CALN1: variants seen among roughly 807,000 people sequenced by gnomAD.
The protein encoded by CALN1 is calcium-binding protein 8.
A neutral mutation model predicts 30.6 loss-of-function variants in CALN1; 17 were observed. The observed-to-expected ratio is 0.56, with a 90% CI of 0.38 to 0.83. CALN1 has a LOEUF of 0.83. CALN1 is among the 40% of genes least tolerant of loss of function. The pLI, the probability that CALN1 is intolerant of heterozygous loss-of-function variation, is 0.00. For missense variants in CALN1, 291 were observed against 354.9 expected (o/e 0.82, Z 1.45); for synonymous variants, 156 against 131.4 (o/e 1.19, Z -1.28).
chr7:72,411,139 A>G (rs1562957888), intron 1 of CALN1, among the ~76,000 whole-genome samples: 1 of 148,644 alleles, frequency 6.7e-6, no homozygotes, highest in Non-Finnish European at 1.5e-5. Context: ...GAGCAAACAT[A>G]AAGGTTTTAC....
At chr7:71,872,877 G>A (rs1792020621) in intron 5 of CALN1, among the ~76,000 whole-genome samples, 1 of 151,862 alleles carries the variant, frequency 6.6e-6, no homozygotes, top group African/African-American at 2.4e-5. Context: ...GCCTTCCAAA[G>A]TGCTGAGATT....
intron 3 of CALN1, among the ~76,000 whole-genome samples, chr7:72,212,085 A>C (rs192355659): frequency 6.6e-6 from 1 of 152,000 alleles, no homozygotes; most frequent in Non-Finnish European, 1.5e-5. Flanking sequence ...GGGCACGGTG[A>C]CTCATGCCTG....
At chr7:72,111,760 T>C (rs1807591189) in intron 3 of CALN1, among the ~76,000 whole-genome samples, 2 of 151,830 alleles carry the variant, frequency 1.3e-5, no homozygotes, top group South Asian at 4.2e-4. Context: ...TTTCTTTTTT[T>C]TTTTGTTGGA....
intron 3 of CALN1, among the ~76,000 whole-genome samples, chr7:72,183,033 G>A (rs947234449): frequency 2.6e-5 from 4 of 152,068 alleles, no homozygotes; most frequent in African/African-American, 9.7e-5. Flanking sequence ...TCAGCTCTAT[G>A]GGGCTTTTTT....
At chr7:71,852,269 T>A (rs1000809374) in intron 5 of CALN1, among the ~76,000 whole-genome samples, 1 of 152,082 alleles carries the variant, frequency 6.6e-6, no homozygotes, top group African/African-American at 2.4e-5. Context: ...TACGGACATA[T>A]GTTTTCACTT....
upstream of CALN1, among the ~76,000 whole-genome samples, chr7:72,417,057 G>A (rs535828646): frequency 6.6e-6 from 1 of 152,342 alleles, no homozygotes; most frequent in South Asian, 2.1e-4. Context: ...CATAGAGCCT[G>A]AGTCTTCATC....
At chr7:72,392,385 C>T (rs2129561481) in intron 2 of CALN1, among the ~76,000 whole-genome samples, 1 of 152,286 alleles carries the variant, frequency 6.6e-6, no homozygotes, top group South Asian at 2.1e-4. Context: ...GCAATAGTAA[C>T]TGGACTCAGA....
intron 5 of CALN1, among the ~76,000 whole-genome samples, chr7:71,847,847 G>GAGAAGGAGAAGGAGAAGGAGAAGAAGA (rs746393698): frequency 9.6e-5 from 13 of 134,808 alleles, no homozygotes; most frequent in African/African-American, 3.8e-4. Flanking sequence ...GAAGGAGAAG[G>GAGAAGGAGAAGGAGAAGGAGAAGAAGA]AGAAGAAGAA....
intron 2 of CALN1, among the ~76,000 whole-genome samples, chr7:72,314,186 T>TCC (rs746200064): frequency 6.6e-6 from 1 of 151,816 alleles, no homozygotes; most frequent in Non-Finnish European, 1.5e-5. Context: ...TCTGCCACCA[T>TCC]CCCCCTCCCT....
At chr7:71,799,072 A>G (rs1178397221) in intron 6 of CALN1, among the ~76,000 whole-genome samples, 2 of 152,156 alleles carry the variant, frequency 1.3e-5, no homozygotes, top group Non-Finnish European at 2.9e-5. Flanking sequence ...ATGTTCAGCA[A>G]TGTCTCCAGG....
intron 2 of CALN1, among the ~76,000 whole-genome samples, chr7:72,358,545 C>T (rs1803375201): frequency 6.6e-6 from 1 of 152,174 alleles, no homozygotes; most frequent in African/African-American, 2.4e-5. Context: ...CATACCAGAA[C>T]TGGCACTGTG....
At chr7:72,099,459 T>C in intron 4 of CALN1, among the ~76,000 whole-genome samples, 1 of 142,112 alleles carries the variant, frequency 7.0e-6, no homozygotes, top group Non-Finnish European at 1.5e-5. Context: ...AATTAGAATC[T>C]TTTTTTTTTT....
chr7:71,882,228 A>G (rs1250824919), intron 5 of CALN1, among the ~76,000 whole-genome samples: 1 of 152,180 alleles, frequency 6.6e-6, no homozygotes, highest in Non-Finnish European at 1.5e-5. Context: ...CTTCAAAGCC[A>G]GCAGTGTTGC....
rs187857847 is a variant in CALN1 at position 72,122,075 on chromosome 7, A to G, written c.245-15781T>C. Among the ~76,000 whole-genome samples the G allele has an allele frequency of 2.0e-3, 311 of 152,050 alleles. 1 individual carries two copies. The highest frequency in any genetic ancestry group is 5.0e-4 in the Non-Finnish European group (34 of 68,018). ...CAGGCATCTTCTCAGGGAAAATTAGACCAAATGCCTGCCGAAGACAGAAAG... is the reference window on the plus strand; with the variant it reads ...CAGGCATCTTCTCAGGGAAAATTAGGCCAAATGCCTGCCGAAGACAGAAAG... On this transcript the variant is annotated intron_variant, in intron 3 of 6. Coordinates refer to ENST00000395275, the MANE Select transcript of CALN1 (RefSeq NM_031468.4).
chr7:72,202,112 G>T (rs2129547474), intron 3 of CALN1, among the ~76,000 whole-genome samples: 1 of 152,122 alleles, frequency 6.6e-6, no homozygotes, highest in East Asian at 1.9e-4. Context: ...AAAATGAAAT[G>T]GAAGGAGATA....
intron 4 of CALN1, among the ~76,000 whole-genome samples, chr7:72,024,988 C>T (rs1321966055): frequency 3.3e-5 from 5 of 152,134 alleles, no homozygotes; most frequent in Non-Finnish European, 7.4e-5. Context: ...CTCCTACTAA[C>T]TCCATGTGTA....
At chr7:72,408,336 G>A (rs532756206) in intron 1 of CALN1, among the ~76,000 whole-genome samples, 8 of 151,780 alleles carry the variant, frequency 5.3e-5, no homozygotes, top group African/African-American at 1.5e-4. Context: ...AGCTACTCAG[G>A]AGGGTAAGGC....
intron 2 of CALN1, among the ~76,000 whole-genome samples, chr7:72,359,382 T>C (rs911142615): frequency 1.6e-4 from 24 of 152,218 alleles, no homozygotes; most frequent in African/African-American, 5.3e-4. Context: ...GCAAGTATTG[T>C]AACTTTCTTG....
chr7:71,977,770 A>G (rs1798171522), intron 5 of CALN1, among the ~76,000 whole-genome samples: 1 of 151,894 alleles, frequency 6.6e-6, no homozygotes, highest in South Asian at 2.1e-4. Flanking sequence ...CATCTCTACT[A>G]AAAATATAAA....
Sources: gnomAD v4.1 joint callset for allele counts (sites outside exome capture counted in the v4.1 genomes callset) on GRCh38, gnomAD v4.1.1 for gene constraint, MANE v1.5 for transcripts, NCBI Gene and HGNC (gene_info 2026-07-23, HGNC 2026-07-21) for gene names.